Variants in ADARB2 observed in about 807,000 individuals in gnomAD.
ADARB2 encodes inactive double-stranded RNA-specific editase B2.
A neutral mutation model predicts 62.2 loss-of-function variants in ADARB2; 25 were observed. That is an observed-to-expected ratio of 0.40 (90% CI 0.29 to 0.56). The LOEUF (loss-of-function observed/expected upper bound fraction) is 0.56, where lower values mean the gene tolerates loss of function less well. Ranked by LOEUF, ADARB2 falls within the 20% of genes least tolerant of loss-of-function variation. The pLI is 0.43. For synonymous variants in ADARB2, 572 were observed against 500.8 expected (o/e 1.14, Z -1.90); for missense variants, 1,071 against 1,077.4 (o/e 0.99, Z 0.08).
chr10:1,282,935 G>A (rs1445558918), intron 3 of ADARB2, among the ~76,000 whole-genome samples: 1 of 152,086 alleles, frequency 6.6e-6, no homozygotes, highest in Non-Finnish European at 1.5e-5. Context: ...TGACCAATCC[G>A]CACCTTCCCA....
intron 1 of ADARB2, among the ~76,000 whole-genome samples, chr10:1,454,139 C>A (rs776798118): frequency 6.6e-6 from 1 of 152,214 alleles, no homozygotes. Context: ...TCTTACATGG[C>A]GGCAGGTAGG....
chr10:1,586,092 C>T (rs1285343180), intron 1 of ADARB2, among the ~76,000 whole-genome samples: 2 of 152,284 alleles, frequency 1.3e-5, no homozygotes, highest in East Asian at 3.9e-4. Context: ...GACCTGACCA[C>T]CTTGGGCACA....
intron 1 of ADARB2, among the ~76,000 whole-genome samples, chr10:1,413,298 G>A (rs1365489874): frequency 1.3e-5 from 2 of 152,130 alleles, no homozygotes; most frequent in East Asian, 1.9e-4. Context: ...CCCCAATCCC[G>A]ACACTGACAC....
rs184994001 is a variant in ADARB2 at position 1,219,215 on chromosome 10, T to G, written c.1514-2096A>C. 8.8e-4 allele frequency among the ~76,000 whole-genome samples: 134 copies of G among 152,264 alleles called. 1 individual carries two copies. Among genetic ancestry groups the G allele is most frequent in the African/African-American group, 3.1e-3 (129 of 41,552 alleles). ...TATAGCCTGTGGAACCTCAAGCCAA[T>G]TAAACCTCTTTTCTTTATAAATTAC... On this transcript the variant is annotated intron_variant, in intron 6 of 9. Transcript: ENST00000381312.
chr10:1,620,875 TAC>T (rs1833696497), intron 1 of ADARB2, among the ~76,000 whole-genome samples: 1 of 152,186 alleles, frequency 6.6e-6, no homozygotes, highest in Non-Finnish European at 1.5e-5. Context: ...ATTATCACAA[TAC>T]ATGCAGAAAA....
At chr10:1,242,582 A>T (rs1156518948) in intron 4 of ADARB2, among the ~76,000 whole-genome samples, 3 of 152,182 alleles carry the variant, frequency 2.0e-5, no homozygotes, top group African/African-American at 7.2e-5. Flanking sequence ...ATAGGAGCAG[A>T]GTTTTGAGGT....
intron 1 of ADARB2, among the ~76,000 whole-genome samples, chr10:1,601,467 G>T (rs1426924108): frequency 6.6e-6 from 1 of 152,184 alleles, no homozygotes. Flanking sequence ...CAATTTTCCT[G>T]TAACAACATG....
intron 5 of ADARB2, 46 bp downstream of exon 5, chr10:1,242,085 C>G (rs758014792): frequency 3.3e-6 from 5 of 1,537,414 alleles, no homozygotes; most frequent in Non-Finnish European, 4.4e-6. Context: ...TGGCAGCCCC[C>G]AGCCGCGGCG....
At chr10:1,506,297 G>T (rs148902159) in intron 1 of ADARB2, among the ~76,000 whole-genome samples, 2,730 of 152,240 alleles carry the variant, frequency 0.018, 68 homozygotes, top group African/African-American at 0.062. Context: ...CTGAAATAGA[G>T]AAATTCTGCC....
At chr10:1,470,008 G>A (rs575284390) in intron 1 of ADARB2, among the ~76,000 whole-genome samples, 181 of 151,850 alleles carry the variant, frequency 1.2e-3, no homozygotes, top group Non-Finnish European at 2.1e-3. Flanking sequence ...GGGAGCCCGG[G>A]TAGGCTGGAC....
In ADARB2 at chr10:1,363,507, G is replaced by C; in HGVS notation, c.598C>G (p.Leu200Val). ...VQFPNACQAH[L>V]AMGGGPGPGT... Reference sequence around the variant, plus strand: ...GGGCCCGGGCCCCCGCCCATGGCCAGGTGCGCCTGGCAGGCGTTGGGGAAC... The same window carrying C: ...GGGCCCGGGCCCCCGCCCATGGCCACGTGCGCCTGGCAGGCGTTGGGGAAC... Residue 200 changes from leucine (L) to valine (V), a missense_variant, in exon 3 of 10, where the codon CTG (leucine) becomes GTG (valine). Coordinates refer to ENST00000381312, the MANE Select transcript of ADARB2 (RefSeq NM_018702.4). 1.3e-6 allele frequency: 2 copies of C among 1,531,502 alleles called. No homozygotes were observed. Among genetic ancestry groups the C allele is most frequent in the Non-Finnish European group, 1.7e-6 (2 of 1,143,608 alleles). 94.9% of individuals were successfully genotyped at this position (1,531,502 alleles called of 1,614,324 possible).
At chr10:1,503,223 T>C (rs908353809) in intron 1 of ADARB2, among the ~76,000 whole-genome samples, 3 of 152,188 alleles carry the variant, frequency 2.0e-5, no homozygotes, top group Non-Finnish European at 2.9e-5. Flanking sequence ...TTTTTTGTTG[T>C]TGTTGTTCAG....
At chr10:1,510,110 C>CTCTCTCTCTTTCTTTCTTTCTTTCTT (rs1554767637) in intron 1 of ADARB2, among the ~76,000 whole-genome samples, 1 of 106,184 alleles carries the variant, frequency 9.4e-6, no homozygotes, top group Non-Finnish European at 1.9e-5. Flanking sequence ...CTTTCTTTCT[C>CTCTCTCTCTTTCTTTCTTTCTTTCTT]TCTTTCTTTC....
At chr10:1,353,518 C>T (rs943977746) in intron 3 of ADARB2, among the ~76,000 whole-genome samples, 1 of 152,126 alleles carries the variant, frequency 6.6e-6, no homozygotes, top group African/African-American at 2.4e-5. Flanking sequence ...CCAGCAAGAC[C>T]TCCCCAGACA....
intron 1 of ADARB2, among the ~76,000 whole-genome samples, chr10:1,401,598 C>T (rs1174592576): frequency 6.6e-6 from 1 of 152,160 alleles, no homozygotes; most frequent in Admixed American, 6.5e-5. Flanking sequence ...GTGAAGACCG[C>T]GGTGCATTTT....
intron 7 of ADARB2, among the ~76,000 whole-genome samples, chr10:1,203,733 C>T (rs1837015914): frequency 6.6e-6 from 1 of 152,188 alleles, no homozygotes; most frequent in South Asian, 2.1e-4. Flanking sequence ...TTGGAGCCAA[C>T]ACAGTCAGGT....
chr10:1,527,649 A>C (rs1832166210), intron 1 of ADARB2, among the ~76,000 whole-genome samples: 1 of 152,244 alleles, frequency 6.6e-6, no homozygotes, highest in Non-Finnish European at 1.5e-5. Flanking sequence ...CAGGATGATT[A>C]GAAAGTTAAA....
Position 1,377,513 on chromosome 10 carries a change from T to C in ADARB2, c.187+1561A>G, listed in dbSNP as rs954814921. On this transcript the variant is annotated intron_variant, in intron 2 of 9. Transcript: ENST00000381312. ...TGTGTGTGCGCTCCTGGGGTGTGTG[T>C]TTGTGTGTGCTCCTGGGGTGTGTGT... is the stretch of plus-strand genomic sequence containing the variant. Among the ~76,000 whole-genome samples the C allele has an allele frequency of 1.2e-3, 179 of 148,928 alleles. 2 individuals carry two copies. Among genetic ancestry groups the C allele is most frequent in the Non-Finnish European group, 1.6e-4 (11 of 67,058 alleles).
chr10:1,706,967 C>T (rs571999074), intron 1 of ADARB2, among the ~76,000 whole-genome samples: 2 of 81,688 alleles, frequency 2.4e-5, no homozygotes, highest in Non-Finnish European at 6.0e-5. Context: ...AGGGTTTCCC[C>T]GGGGCCTCCT....
Sources: gnomAD v4.1 joint callset for allele counts (sites outside exome capture counted in the v4.1 genomes callset) on GRCh38, gnomAD v4.1.1 for gene constraint, MANE v1.5 for transcripts, NCBI Gene and HGNC (gene_info 2026-07-23, HGNC 2026-07-21) for gene names.